CAPN6: variants seen among roughly 807,000 people sequenced by gnomAD.
CAPN6 encodes calpain-6.
CAPN6 carries 16 observed loss-of-function variants against 46.0 expected under a neutral mutation model. The observed-to-expected ratio is 0.35, with a 90% CI of 0.24 to 0.53. The LOEUF (loss-of-function observed/expected upper bound fraction) is 0.53, where lower values mean the gene tolerates loss of function less well. CAPN6 is among the 20% of genes least tolerant of loss of function. The pLI, the probability that CAPN6 is intolerant of heterozygous loss-of-function variation, is 0.94. For synonymous variants in CAPN6, 206 were observed against 172.8 expected (o/e 1.19, Z -1.51); for missense variants, 461 against 498.0 (o/e 0.93, Z 0.71).
intron 11 of CAPN6, 138 bp downstream of exon 11, chrX:111,247,731 CCT>C: frequency 1.4e-6 from 1 of 727,671 alleles, no homozygotes; most frequent in Middle Eastern, 3.5e-4. Flanking sequence ...GACATCCCAT[CCT>C]CTGCCATGGT....
intron 1 of CAPN6, 34 bp downstream of exon 1, chrX:111,270,337 C>G: frequency 6.5e-6 from 2 of 308,254 alleles, no homozygotes; most frequent in Admixed American, 6.9e-5. Context: ...AAATAAAACT[C>G]CAGGGTAAGT....
chrX:111,262,902 T>C (rs1467568514), intron 2 of CAPN6, among the ~76,000 whole-genome samples: 1 of 111,987 alleles, frequency 8.9e-6, no homozygotes, highest in Non-Finnish European at 1.9e-5. Flanking sequence ...ACTTGTCCAG[T>C]TGTGGGATGA....
chrX:111,260,756 G>A (rs12010285), intron 2 of CAPN6, among the ~76,000 whole-genome samples: 8,711 of 112,148 alleles, frequency 0.078, 768 homozygotes, highest in African/African-American at 0.25. Flanking sequence ...CTCCCCACAA[G>A]AGGCCCCTTC....
At chrX:111,260,401 A>G (rs1315271193) in intron 2 of CAPN6, among the ~76,000 whole-genome samples, 1 of 113,230 alleles carries the variant, frequency 8.8e-6, no homozygotes, top group Non-Finnish European at 1.9e-5. Context: ...GGAAAAAGAC[A>G]GAAAATATCA....
chrX:111,247,364 T>C lies in CAPN6; in HGVS notation c.1743+4A>G. Reference sequence around the variant, plus strand: ...TTTCTGGCGACCCCTGTACACACTCTTACCTGTACTATAATAGGAATGTCA... The same window carrying C: ...TTTCTGGCGACCCCTGTACACACTCCTACCTGTACTATAATAGGAATGTCA... On this transcript the variant is annotated splice_donor_region_variant and intron_variant, in intron 12 of 12. Transcript: ENST00000324068. 8.3e-7 allele frequency: 1 copy of C among 1,205,706 alleles called. No individual in the cohort carries two copies. The highest frequency in any genetic ancestry group is 1.1e-6 in the Non-Finnish European group (1 of 892,707).
chrX:111,253,276 A>T (rs774440040), intron 3 of CAPN6, 60 bp from the exon 4 acceptor site: 95 of 936,041 alleles, frequency 1.0e-4, no homozygotes, highest in Middle Eastern at 2.7e-4. Context: ...AGAAACTGAG[A>T]TTACAGTTTA....
At chrX:111,269,871 C>T (rs2094994699) in intron 1 of CAPN6, among the ~76,000 whole-genome samples, 1 of 112,048 alleles carries the variant, frequency 8.9e-6, no homozygotes, top group Non-Finnish European at 1.9e-5. Context: ...CCTGCTCACC[C>T]TCCTACCAGA....
At chrX:111,248,425 T>C in intron 10 of CAPN6, 144 bp downstream of exon 10, 1 of 504,608 alleles carries the variant, frequency 2.0e-6, no homozygotes, top group East Asian at 3.6e-5. Flanking sequence ...GAGAAATATT[T>C]TTACCACCAT....
intron 2 of CAPN6, among the ~76,000 whole-genome samples, chrX:111,258,931 G>T (rs1290809697): frequency 8.9e-6 from 1 of 112,306 alleles, no homozygotes; most frequent in Non-Finnish European, 1.9e-5. Context: ...CTAAGAAAAA[G>T]AAGCCAGTTA....
chrX:111,246,354 A>T lies in CAPN6; in HGVS notation c.*223T>A, dbSNP rs1433696773. On this transcript the variant is annotated 3_prime_UTR_variant, in exon 13 of 13. Coordinates refer to ENST00000324068, the MANE Select transcript of CAPN6 (RefSeq NM_014289.4). ...CTTGGCAAATGTGTATGATGTCTAG[A>T]TAGGACTGTCGCCTCCCCATGTCCA... The T allele has an allele frequency of 2.4e-6, 1 of 413,242 alleles. No individual in the cohort carries two copies. The highest frequency in any genetic ancestry group is 4.0e-5 in the East Asian group (1 of 25,221). 34.1% of individuals were successfully genotyped at this position (413,242 alleles called of 1,213,427 possible).
chrX:111,248,367 G>A (rs1325495289), intron 10 of CAPN6, among the ~76,000 whole-genome samples: 1 of 112,450 alleles, frequency 8.9e-6, no homozygotes, highest in East Asian at 2.8e-4. Flanking sequence ...GTAGCTCAGA[G>A]CTCTGAAGTT....
At chrX:111,259,416 T>C (rs1043968976) in intron 2 of CAPN6, among the ~76,000 whole-genome samples, 1 of 112,254 alleles carries the variant, frequency 8.9e-6, no homozygotes, top group Admixed American at 9.4e-5. Context: ...ATTCAGCTGG[T>C]GGTTGGAAAT....
At chrX:111,258,401 C>T (rs758894611) in intron 2 of CAPN6, among the ~76,000 whole-genome samples, 2 of 111,628 alleles carry the variant, frequency 1.8e-5, no homozygotes, top group East Asian at 2.8e-4. Flanking sequence ...ATGAATAAGT[C>T]CAGGGTCTAA....
Position 111,246,334 on chromosome X carries a change from C to T in CAPN6, c.*243G>A, listed in dbSNP as rs765610313. On this transcript the variant is annotated 3_prime_UTR_variant, in exon 13 of 13. Transcript: ENST00000324068. ...GGAAGCCCCAGAGATCCTTTCTTGG[C>T]AAATGTGTATGATGTCTAGATAGGA... The T allele has an allele frequency of 8.3e-6, 3 of 361,275 alleles. No individual in the cohort carries two copies. The Admixed American group carries it at 1.5e-4, about 18-fold the overall frequency. The allele number at this position is 361,275 out of a possible 1,213,427, so 29.8% of individuals were successfully genotyped here.
chrX:111,252,472 A>C lies in CAPN6; in HGVS notation c.534T>G (p.Asp178Glu), dbSNP rs764463744. Residue 178 changes from aspartate (D) to glutamate (E), a missense_variant, in exon 5 of 13, where the codon GAT becomes GAG. By Grantham distance (45) the Asp-to-Glu change is conservative. Transcript: ENST00000324068. ...AKLLGCYEAL[D>E]GLTITDIIVD... ...CAATAATATCAGTGATGGTCAAACCATCCAGGGCCTCATAACAGCCTAGCA... is the reference window on the plus strand; with the variant it reads ...CAATAATATCAGTGATGGTCAAACCCTCCAGGGCCTCATAACAGCCTAGCA... The C allele has an allele frequency of 1.7e-6, 2 of 1,206,055 alleles. No individual in the cohort carries two copies. Among genetic ancestry groups the C allele is most frequent in the East Asian group, 5.9e-5 (2 of 33,671 alleles).
At position 111,270,385 on chromosome X, in the gene CAPN6, GAGCC is replaced by G. The variant is rs1034908656; in HGVS notation, c.-34_-31del. ...TCTCTACTCACCTGAGTTATCCCAGGAGCCCTGCTGCTGCTGCTGCTGCTGCTGC... is the reference window on the plus strand; with the variant it reads ...TCTCTACTCACCTGAGTTATCCCAGGCTGCTGCTGCTGCTGCTGCTGCTGC... On this transcript the variant is annotated 5_prime_UTR_variant, in exon 1 of 13. Transcript: ENST00000324068. 4 of 306,165 alleles carry G rather than the reference GAGCC, an allele frequency of 1.3e-5. No homozygotes were observed. The African/African-American group carries it at 2.5e-4, about 19-fold the overall frequency. 25.2% of individuals were successfully genotyped at this position (306,165 alleles called of 1,213,427 possible). A position where few individuals can be genotyped will look rare whatever the true frequency, so the allele number is the denominator to read the frequency against.
intron 1 of CAPN6, among the ~76,000 whole-genome samples, chrX:111,266,605 G>C (rs184163027): frequency 8.9e-6 from 1 of 112,358 alleles, no homozygotes; most frequent in Non-Finnish European, 1.9e-5. Flanking sequence ...ATTTTAGTTC[G>C]GGTTCTCATC....
intron 2 of CAPN6, among the ~76,000 whole-genome samples, chrX:111,256,511 A>G (rs1442589974): frequency 8.9e-6 from 1 of 112,390 alleles, no homozygotes; most frequent in African/African-American, 3.2e-5. Flanking sequence ...TTAGATTAAT[A>G]AGGCAAATTA....
chrX:111,267,436 A>G (rs1481409093), intron 1 of CAPN6, among the ~76,000 whole-genome samples: 1 of 111,591 alleles, frequency 9.0e-6, no homozygotes, highest in Non-Finnish European at 1.9e-5. Context: ...CCCAGAGTGC[A>G]GAAAGTTGAG....
Sources: gnomAD v4.1 joint callset for allele counts (sites outside exome capture counted in the v4.1 genomes callset) on GRCh38, gnomAD v4.1.1 for gene constraint, MANE v1.5 for transcripts, NCBI Gene and HGNC (gene_info 2026-07-23, HGNC 2026-07-21) for gene names.